PHACTR2: variants seen among roughly 807,000 people sequenced by gnomAD.
PHACTR2 encodes the protein phosphatase and actin regulator 2.
In PHACTR2, 30 loss-of-function variants were observed where a neutral mutation model predicts 76.0. The ratio of observed to expected loss-of-function variants is 0.39; its 90% CI spans 0.30 to 0.54. The LOEUF (loss-of-function observed/expected upper bound fraction) is 0.54, where lower values mean the gene tolerates loss of function less well. PHACTR2 is among the 20% of genes least tolerant of loss of function. The pLI, the probability that PHACTR2 is intolerant of heterozygous loss-of-function variation, is 0.61. For synonymous variants in PHACTR2, 292 were observed against 292.5 expected (o/e 1.00, Z 0.02); for missense variants, 696 against 781.1 (o/e 0.89, Z 1.30).
At chr6:143,712,618 T>C (rs1778202996) in intron 2 of PHACTR2, among the ~76,000 whole-genome samples, 1 of 151,990 alleles carries the variant, frequency 6.6e-6, no homozygotes, top group African/African-American at 2.4e-5. Context: ...GCTATACACA[T>C]AACGTAATGT....
At position 143,733,474 on chromosome 6, in the gene PHACTR2, G is replaced by A. The variant is rs369178630; in HGVS notation, c.215-15511G>A. On this transcript the variant is annotated intron_variant, in intron 2 of 12. Coordinates refer to ENST00000440869, the MANE Select transcript of PHACTR2 (RefSeq NM_001100164.2). This position sits in a 1 kb window ranked among gnomAD's most constrained non-coding sequence, Gnocchi z 4.0. Reference sequence around the variant, plus strand: ...GACCTTATCCCATCCTATATATGGAGCATTTGCAAGTGAATCTTTTCGATT... The same window carrying A: ...GACCTTATCCCATCCTATATATGGAACATTTGCAAGTGAATCTTTTCGATT... 5.3e-5 allele frequency among the ~76,000 whole-genome samples: 8 copies of A among 152,226 alleles called. No individual in the cohort carries two copies. In the East Asian group the frequency reaches 1.3e-3, roughly 26 times the overall value.
intron 1 of PHACTR2, among the ~76,000 whole-genome samples, chr6:143,661,762 G>T (rs1435735146): frequency 2.0e-5 from 3 of 151,934 alleles, no homozygotes; most frequent in Non-Finnish European, 4.4e-5. Flanking sequence ...TCACCAGGTT[G>T]ACCAGGCTGA....
At chr6:143,635,736 T>C (rs775792903) in intron 1 of PHACTR2, among the ~76,000 whole-genome samples, 1 of 152,238 alleles carries the variant, frequency 6.6e-6, no homozygotes, top group Non-Finnish European at 1.5e-5. Flanking sequence ...AAGGTCGTCT[T>C]GTTGATTTAT....
rs561926393 is a variant in PHACTR2, at chr6:143,763,597, G to A, written c.695-1664G>A. On this transcript the variant is annotated intron_variant, in intron 5 of 12. Transcript: ENST00000440869. ...AAGTAACAGGTCTAGATTTGGGGAA[G>A]AAGAATTCTAGTTATGTATATCTTA... Among the ~76,000 whole-genome samples, 33 of 152,300 alleles carry A rather than the reference G, an allele frequency of 2.2e-4. No individual in the cohort carries two copies. In the South Asian group the frequency reaches 4.8e-3, roughly 22 times the overall value.
In PHACTR2 at chr6:143,595,428, G is replaced by A. The variant is rs186835311; in HGVS notation, c.217+58221G>A. ...ATCCTGTTGAAGCACAGCAGGCAAG[G>A]CCTGGGTCATGAGAATTCTATGGTG... On this transcript the variant is annotated intron_variant, in intron 1 of 11. Coordinates refer to the PHACTR2 transcript ENST00000367584. The surrounding 1 kb of genome is among the most constrained non-coding windows in gnomAD (Gnocchi z 4.2). Among the ~76,000 whole-genome samples, 2 of 152,324 alleles carry A rather than the reference G, an allele frequency of 1.3e-5. No individual in the cohort carries two copies. The highest frequency in any genetic ancestry group is 3.9e-4 in the East Asian group (2 of 5,188).
In PHACTR2 at chr6:143,783,155, A is replaced by T; in HGVS notation, c.1646-64A>T. ...GAGTCACATGATCGTGGCCTGATAC[A>T]CTTTTCTGAATATGAAATCATCTAT... On this transcript the variant is annotated intron_variant, in intron 9 of 12. Transcript: ENST00000440869. This position sits in a 1 kb window ranked among gnomAD's most constrained non-coding sequence, Gnocchi z 5.2. 4 of 976,398 alleles carry T rather than the reference A, an allele frequency of 4.1e-6. No individual in the cohort carries two copies. Among genetic ancestry groups the T allele is most frequent in the Non-Finnish European group, 4.9e-6 (3 of 614,046 alleles). The allele number at this position is 976,398 out of a possible 1,614,324, so 60.5% of individuals were successfully genotyped here.
rs1776447463 is a variant in PHACTR2 at position 143,822,641 on chromosome 6, C to T, written c.1923-1033C>T. ...ACAGGGAAACCAATTAGGAGACTGGCTGACCAGAGCAGATGAGCATTCGAC... is the reference window on the plus strand; with the variant it reads ...ACAGGGAAACCAATTAGGAGACTGGTTGACCAGAGCAGATGAGCATTCGAC... On this transcript the variant is annotated intron_variant, in intron 12 of 12. Transcript: ENST00000440869. The surrounding 1 kb of genome is among the most constrained non-coding windows in gnomAD (Gnocchi z 5.5). 2.0e-5 allele frequency among the ~76,000 whole-genome samples: 3 copies of T among 152,182 alleles called. No individual in the cohort carries two copies. The highest frequency in any genetic ancestry group is 4.1e-4 in the South Asian group (2 of 4,834).
Position 143,624,261 on chromosome 6 carries a change from C to T in PHACTR2, c.13+15939C>T, listed in dbSNP as rs1349614967. Among the ~76,000 whole-genome samples, 4 of 152,246 alleles carry T rather than the reference C, an allele frequency of 2.6e-5. No individual in the cohort carries two copies. Among genetic ancestry groups the T allele is most frequent in the African/African-American group, 9.6e-5 (4 of 41,530 alleles). On this transcript the variant is annotated intron_variant, in intron 1 of 11. Coordinates refer to the PHACTR2 transcript ENST00000305766. The surrounding 1 kb of genome is among the most constrained non-coding windows in gnomAD (Gnocchi z 4.6). ...AGCTGGGATTACAGGTGCCTGCCAC[C>T]ACACCTGACTAATTTTTGTATTTTT...
At chr6:143,576,857 C>T (rs1293041165) in intron 1 of PHACTR2, among the ~76,000 whole-genome samples, 2 of 128,752 alleles carry the variant, frequency 1.6e-5, no homozygotes, top group African/African-American at 6.0e-5. Context: ...GCCTGGGTGA[C>T]AGAGTGAGAC....
Position 143,671,217 on chromosome 6 carries a change from C to A in PHACTR2, c.14-40799C>A, listed in dbSNP as rs1777148763. The stretch of plus-strand genomic sequence containing the variant: ...AAGTGCTGAGATTACAGGTCTGAAC[C>A]ACTGCACCTGGCCCAAAGTCTTTAT... On this transcript the variant is annotated intron_variant, in intron 1 of 11. Transcript: ENST00000305766. This position sits in a 1 kb window ranked among gnomAD's most constrained non-coding sequence, Gnocchi z 4.6. Among the ~76,000 whole-genome samples the A allele has an allele frequency of 6.6e-6, 1 of 152,136 alleles. No individual in the cohort carries two copies. The highest frequency in any genetic ancestry group is 6.5e-5 in the Admixed American group (1 of 15,268).
rs1048461097 is a variant in PHACTR2, at chr6:143,537,167, G to C, written c.177G>C (p.Ser59=). The C allele has an allele frequency of 3.1e-6, 1 of 318,326 alleles. No individual in the cohort carries two copies. The highest frequency in any genetic ancestry group is 6.1e-6 in the Non-Finnish European group (1 of 163,324). The allele number at this position is 318,326 out of a possible 1,614,324, so 19.7% of individuals were successfully genotyped here. The change falls in exon 1 of 12, where the codon TCG becomes TCC. Residue 59 remains serine (S), a synonymous_variant. Transcript: ENST00000367584. The surrounding 1 kb of genome is among the most constrained non-coding windows in gnomAD (Gnocchi z 4.4). The stretch of plus-strand genomic sequence containing the variant: ...CACAGAGCGACCTCTCGTCGTCCTC[G>C]AGCAGGGGCCGCCCGCTCCGGGTCC...
At chr6:143,563,068 G>A (rs1005939063) in intron 1 of PHACTR2, among the ~76,000 whole-genome samples, 2 of 152,144 alleles carry the variant, frequency 1.3e-5, no homozygotes, top group African/African-American at 4.8e-5. Flanking sequence ...TGTACGTAAT[G>A]CCACTAAATT....
chr6:143,697,058 T>C lies in PHACTR2; in HGVS notation c.47-14958T>C, dbSNP rs1279220329. Among the ~76,000 whole-genome samples, 1 of 152,184 alleles carries C rather than the reference T, an allele frequency of 6.6e-6. No homozygotes were observed. The highest frequency in any genetic ancestry group is 2.4e-5 in the African/African-American group (1 of 41,438). On this transcript the variant is annotated intron_variant, in intron 1 of 12. Transcript: ENST00000440869. This position sits in a 1 kb window ranked among gnomAD's most constrained non-coding sequence, Gnocchi z 4.4. ...GTTCTACCTTGTAGTTCCGATATATTTAGTTAATTGAAAGCCTAAAATATT... is the reference window on the plus strand; with the variant it reads ...GTTCTACCTTGTAGTTCCGATATATCTAGTTAATTGAAAGCCTAAAATATT...
intron 11 of PHACTR2, among the ~76,000 whole-genome samples, chr6:143,805,111 G>A (rs534322189): frequency 1.3e-5 from 2 of 152,274 alleles, no homozygotes; most frequent in South Asian, 4.1e-4. Flanking sequence ...CACTTCCTCT[G>A]CTGAAACCTT....
chr6:143,733,752 C>A lies in PHACTR2; in HGVS notation c.215-15233C>A, dbSNP rs1778758249. Among the ~76,000 whole-genome samples, 1 of 149,010 alleles carries A rather than the reference C, an allele frequency of 6.7e-6. No individual in the cohort carries two copies. The highest frequency in any genetic ancestry group is 2.6e-5 in the African/African-American group (1 of 38,338). Reference sequence around the variant, plus strand: ...CAAAGGTCAATGTGGGAACATCTTTCTCAGAAAGGAAGTGTGGTGGGGGTT... The same window carrying A: ...CAAAGGTCAATGTGGGAACATCTTTATCAGAAAGGAAGTGTGGTGGGGGTT... On this transcript the variant is annotated intron_variant, in intron 2 of 12. Transcript: ENST00000440869. This position sits in a 1 kb window ranked among gnomAD's most constrained non-coding sequence, Gnocchi z 4.0.
intron 11 of PHACTR2, among the ~76,000 whole-genome samples, chr6:143,802,143 T>C (rs1011269226): frequency 3.9e-5 from 6 of 152,186 alleles, no homozygotes; most frequent in Non-Finnish European, 7.3e-5. Flanking sequence ...CTTTTTCCTC[T>C]CTATAATTCT....
chr6:143,686,852 C>A (rs1777538137), intron 1 of PHACTR2, among the ~76,000 whole-genome samples: 1 of 152,092 alleles, frequency 6.6e-6, no homozygotes, highest in African/African-American at 2.4e-5. Flanking sequence ...ATGATCGAAC[C>A]CAAGGTTTCC....
At chr6:143,632,765 C>T (rs907580633) in intron 1 of PHACTR2, among the ~76,000 whole-genome samples, 25 of 152,154 alleles carry the variant, frequency 1.6e-4, no homozygotes, top group Non-Finnish European at 3.7e-4. Flanking sequence ...CCTATTCATC[C>T]CTTTTCCCCC....
intron 2 of PHACTR2, among the ~76,000 whole-genome samples, chr6:143,734,860 G>A (rs1778781913): frequency 6.6e-6 from 1 of 152,122 alleles, no homozygotes; most frequent in East Asian, 1.9e-4. Flanking sequence ...CACTTTTAAA[G>A]GTACTACAGA....
Sources: gnomAD v4.1 joint callset for allele counts (sites outside exome capture counted in the v4.1 genomes callset) on GRCh38, gnomAD v4.1.1 for gene constraint, Gnocchi (gnomAD v3.1) non-coding constraint, MANE v1.5 for transcripts, NCBI Gene and HGNC (gene_info 2026-07-23, HGNC 2026-07-21) for gene names.